The following TLE2 variants were observed in gnomAD, a reference collection of about 807,000 sequenced individuals.
TLE2 encodes TLE family member 2, transcriptional corepressor.
Under a neutral mutation model 97.2 loss-of-function variants are expected in TLE2, and 74 were observed. That is an observed-to-expected ratio of 0.76 (90% CI 0.63 to 0.92). The LOEUF (loss-of-function observed/expected upper bound fraction) is 0.92, where lower values mean the gene tolerates loss of function less well. TLE2 is among the 40% of genes least tolerant of loss of function. TLE2 has a pLI of 0.00. For missense variants in TLE2, 1,038 were observed against 1,008.7 expected (o/e 1.03, Z -0.39); for synonymous variants, 499 against 432.1 (o/e 1.15, Z -1.92).
At chr19:3,009,763 G>A (rs2082045750) in intron 12 of TLE2, 61 bp from the exon 13 acceptor site, 1 of 1,533,152 alleles carries the variant, frequency 6.5e-7, no homozygotes, top group Non-Finnish European at 8.8e-7. Flanking sequence ...GCCTCCCACT[G>A]CCTTGGGAGC....
At chr19:3,011,865 CAAAA>C (rs566649043) in intron 11 of TLE2, among the ~76,000 whole-genome samples, 1 of 150,022 alleles carries the variant, frequency 6.7e-6, no homozygotes, top group African/African-American at 2.4e-5. Context: ...AAAAACAAAA[CAAAA>C]AAAAGGCAAC....
intron 9 of TLE2, 31 bp from the exon 10 acceptor site, chr19:3,014,645 T>A (rs1244592130): frequency 6.4e-7 from 1 of 1,571,680 alleles, no homozygotes; most frequent in Admixed American, 1.8e-5. Context: ...GAGCTCATTG[T>A]GGTCATGCCC....
chr19:3,006,054 C>T, intron 15 of TLE2, 86 bp from the exon 16 acceptor site: 2 of 1,478,674 alleles, frequency 1.4e-6, no homozygotes, highest in Non-Finnish European at 1.9e-6. Context: ...GTCTCTGGAG[C>T]CCAATGTAGC....
rs1185297043 is a variant in TLE2, at chr19:3,002,506, G to A, written c.1897-3C>T. 1 of 1,561,884 alleles carries A rather than the reference G, an allele frequency of 6.4e-7. No individual in the cohort carries two copies. Among genetic ancestry groups the A allele is most frequent in the Non-Finnish European group, 8.7e-7 (1 of 1,153,940 alleles). Reference sequence around the variant, plus strand: ...GGGCAGTGGCCCAGGGAGAAAATCTGGGGGTAAAGAGGGAAGAGATGGGGT... The same window carrying A: ...GGGCAGTGGCCCAGGGAGAAAATCTAGGGGTAAAGAGGGAAGAGATGGGGT... On this transcript the variant is annotated splice_polypyrimidine_tract_variant and splice_region_variant and intron_variant, in intron 17 of 19. Transcript: ENST00000262953.
In TLE2 at chr19:2,997,941, G is replaced by C. The variant is rs373620175; in HGVS notation, c.2139C>G (p.Ser713=). ...GASIFQSKES[S]SVLSCDISRN... ...TGGAGATGTCACAACTCAGGACTGAGGACGACTCCTTGGACTGCCAAGGGA... is the reference window on the plus strand; with the variant it reads ...TGGAGATGTCACAACTCAGGACTGACGACGACTCCTTGGACTGCCAAGGGA... The change falls in exon 20 of 20, where the codon TCC becomes TCG. Residue 713 remains serine, a synonymous_variant. Coordinates refer to ENST00000262953, the MANE Select transcript of TLE2 (RefSeq NM_003260.5). The C allele has an allele frequency of 1.7e-5, 27 of 1,612,152 alleles. 1 individual carries two copies. The highest frequency in any genetic ancestry group is 1.6e-4 in the Middle Eastern group (1 of 6,082).
Position 3,008,875 on chromosome 19 carries a change from C to G in TLE2, c.1244G>C (p.Gly415Ala). The G allele has an allele frequency of 6.3e-7, 1 of 1,582,340 alleles. No homozygotes were observed. Among genetic ancestry groups the G allele is most frequent in the Non-Finnish European group, 8.6e-7 (1 of 1,164,048 alleles). Residue 415 changes from glycine to alanine, a missense_variant, in exon 14 of 20, where the codon GGA becomes GCA. Gly to Ala is a moderately conservative substitution (Grantham distance 60, BLOSUM62 0). Coordinates refer to ENST00000262953, the MANE Select transcript of TLE2 (RefSeq NM_003260.5). ...GCCCCACCCTGGTACTCACGGCTTT[C>G]CCCCAGGGATGCTGGGTAGGGAGGA... ...VSSSLPSIPG[G>A]KPAYSFHVSA...
intron 5 of TLE2, among the ~76,000 whole-genome samples, chr19:3,021,116 G>GAAAAAA (rs1568245430): frequency 4.7e-5 from 3 of 64,442 alleles, no homozygotes; most frequent in African/African-American, 1.9e-4. Context: ...AAAAAAAAAG[G>GAAAAAA]GGGGGGGGTG....
upstream of TLE2, among the ~76,000 whole-genome samples, chr19:3,032,468 C>T (rs2090032799): frequency 6.6e-6 from 1 of 152,112 alleles, no homozygotes; most frequent in South Asian, 2.1e-4. The surrounding 1 kb of genome is among the most constrained non-coding windows in gnomAD (Gnocchi z 4.1). Flanking sequence ...AAACTCCTGA[C>T]CTCAGATGAT....
At chr19:3,015,335 G>A (rs2089679223) in intron 9 of TLE2, among the ~76,000 whole-genome samples, 1 of 152,236 alleles carries the variant, frequency 6.6e-6, no homozygotes, top group Admixed American at 6.5e-5. Flanking sequence ...CTTCTTGTAG[G>A]AGGTGGCACT....
intron 1 of TLE2, among the ~76,000 whole-genome samples, chr19:3,041,572 C>T (rs2090103742): frequency 6.6e-6 from 1 of 152,198 alleles, no homozygotes; most frequent in African/African-American, 2.4e-5. Flanking sequence ...CTGGGCCAAG[C>T]AGCCCCGTCT....
At chr19:2,998,217 C>A (rs1257127232) in intron 19 of TLE2, among the ~76,000 whole-genome samples, 2 of 149,432 alleles carry the variant, frequency 1.3e-5, no homozygotes, top group Non-Finnish European at 2.9e-5. Context: ...ATTATAGGCG[C>A]CCGCAACCAC....
chr19:3,023,032 C>T (rs2089875325), intron 5 of TLE2, among the ~76,000 whole-genome samples: 1 of 151,094 alleles, frequency 6.6e-6, no homozygotes, highest in Non-Finnish European at 1.5e-5. Context: ...TTACTCATTC[C>T]TTTCAACAGT....
intron 13 of TLE2, 150 bp downstream of exon 13, chr19:3,009,392 C>T (rs2089542994): frequency 3.1e-6 from 3 of 954,860 alleles, no homozygotes; most frequent in Admixed American, 6.5e-5. Context: ...TACTGAGACC[C>T]CCAGATTGTC....
At position 3,029,249 on chromosome 19, in the gene TLE2, C is replaced by G. The variant is rs2089998838; in HGVS notation, c.-345G>C. On this transcript the variant is annotated 5_prime_UTR_variant, in exon 1 of 20. Transcript: ENST00000262953. The stretch of plus-strand genomic sequence containing the variant: ...GCGGCGGCGCGGGCGGCGGGCCCCG[C>G]GCGGAGCCGCCTCCCTCCGGCGGGG... The G allele has an allele frequency of 8.1e-6, 2 of 247,092 alleles. No individual in the cohort carries two copies. Among genetic ancestry groups the G allele is most frequent in the Non-Finnish European group, 1.3e-5 (2 of 159,298 alleles). The allele number at this position is 247,092 out of a possible 1,614,324, so 15.3% of individuals were successfully genotyped here.
At chr19:3,041,910 T>C (rs572500521) in intron 1 of TLE2, among the ~76,000 whole-genome samples, 20 of 119,158 alleles carry the variant, frequency 1.7e-4, no homozygotes, top group African/African-American at 7.3e-4. Flanking sequence ...GGGAGCTCTG[T>C]GGCTGCCTTT....
At position 3,002,395 on chromosome 19, in the gene TLE2, G is replaced by A. The variant is rs1340564011; in HGVS notation, c.2005C>T (p.Leu669Phe). ...AGGGACAGCACGCAGCTCTCGTGGAGGTGCAGCTGGTATTTCTCCGGCTTG... is the reference window on the plus strand; with the variant it reads ...AGGGACAGCACGCAGCTCTCGTGGAAGTGCAGCTGGTATTTCTCCGGCTTG... ...VRKPEKYQLH[L>F]HESCVLSLKF... The change falls in exon 18 of 20, where the codon CTC becomes TTC. Residue 669 changes from leucine to phenylalanine, a missense_variant. Leu to Phe is a conservative substitution (Grantham distance 22). Coordinates refer to ENST00000262953, the MANE Select transcript of TLE2 (RefSeq NM_003260.5). 3 of 1,613,752 alleles carry A rather than the reference G, an allele frequency of 1.9e-6. No individual in the cohort carries two copies. The highest frequency in any genetic ancestry group is 2.2e-5 in the East Asian group (1 of 44,856).
At chr19:3,028,242 G>A (rs2089978166) in intron 3 of TLE2, 77 bp downstream of exon 3, 2 of 1,451,842 alleles carry the variant, frequency 1.4e-6, no homozygotes, top group South Asian at 1.2e-5. Flanking sequence ...AGTGGGGCAG[G>A]GACCTACCCC....
rs372026305 is a variant in TLE2, at chr19:3,015,428, G to A, written c.678+225C>T. On this transcript the variant is annotated intron_variant, in intron 9 of 19. Coordinates refer to ENST00000262953, the MANE Select transcript of TLE2 (RefSeq NM_003260.5). ...AGCTGGAGCAAAAGCTAGAGGGTGG[G>A]AAAATGGCTGTACGGCCAAGAGGCC... 1.1e-4 allele frequency among the ~76,000 whole-genome samples: 17 copies of A among 152,234 alleles called. 1 individual carries two copies. The highest frequency in any genetic ancestry group is 9.2e-4 in the Admixed American group (14 of 15,276).
chr19:3,044,482 C>T (rs1231046869), intron 1 of TLE2, among the ~76,000 whole-genome samples: 2 of 152,162 alleles, frequency 1.3e-5, no homozygotes, highest in African/African-American at 2.4e-5. Flanking sequence ...TGCAGTGGCA[C>T]GATTTCTGCT....
Sources: allele counts gnomAD v4.1 joint callset (sites outside exome capture counted in the v4.1 genomes callset), GRCh38; gene constraint gnomAD v4.1.1; non-coding constraint Gnocchi (gnomAD v3.1); transcripts MANE v1.5; gene names NCBI Gene and HGNC (gene_info 2026-07-23, HGNC 2026-07-21).